Variants in COMMD10 observed in about 807,000 individuals in gnomAD.
COMMD10 encodes COMM domain containing 10.
Under a neutral mutation model 28.9 loss-of-function variants are expected in COMMD10, and 33 were observed. The observed-to-expected ratio is 1.14, with a 90% confidence interval of 0.87 to 1.53. COMMD10 has a LOEUF of 1.53. Among genes scored for constraint, COMMD10 ranks in the 40% most tolerant of loss-of-function variants. The pLI is 0.00. For synonymous variants in COMMD10, 110 were observed against 81.7 expected, an observed-to-expected ratio of 1.35 and a Z score of -1.87; for missense variants, 310 against 233.4, an observed-to-expected ratio of 1.33 and a Z score of -2.14.
At chr5:116,087,451 A>T in intron 1 of COMMD10, 46 bp from the exon 2 acceptor site, 3 of 1,189,186 alleles carry the variant, frequency 2.5e-6, no homozygotes, top group Non-Finnish European at 3.8e-6. Flanking sequence ...AGTGCAGTTC[A>T]ACTTGGAAAA....
At chr5:116,244,658 T>TACAAAAAAAAAAAAAAAAAAAAAA (rs1749894773) in intron 5 of COMMD10, among the ~76,000 whole-genome samples, 2 of 48,602 alleles carry the variant, frequency 4.1e-5, no homozygotes, top group East Asian at 8.5e-4. Context: ...AAAAAAAAAT[T>TACAAAAAAAAAAAAAAAAAAAAAA]ACAAAAAAAA....
rs562474945 is a variant in COMMD10, at chr5:116,127,534, C to T, written c.400-6534C>T. Among the ~76,000 whole-genome samples, 26 of 152,256 alleles carry T rather than the reference C, an allele frequency of 1.7e-4. 1 individual carries two copies. The South Asian group carries it at 3.7e-3, about 22-fold the overall frequency. ...AAGACTTGGAAGCAACCCAAATTTC[C>T]GTCAATGATAGACTGGATTAAGAAA... On this transcript the variant is annotated intron_variant, in intron 4 of 6. Transcript: ENST00000274458.
At chr5:116,268,072 T>C (rs1750643894) in intron 5 of COMMD10, among the ~76,000 whole-genome samples, 1 of 151,734 alleles carries the variant, frequency 6.6e-6, no homozygotes, top group African/African-American at 2.4e-5. Flanking sequence ...CCAAAAGCAA[T>C]GGTAACAAAA....
intron 5 of COMMD10, among the ~76,000 whole-genome samples, chr5:116,142,494 C>T (rs1028379040): frequency 6.6e-6 from 1 of 151,690 alleles, no homozygotes; most frequent in Non-Finnish European, 1.5e-5. Flanking sequence ...CAAAATAAAA[C>T]AAAACATCTT....
chr5:116,253,203 C>T (rs1580585530), intron 5 of COMMD10, among the ~76,000 whole-genome samples: 1 of 118,794 alleles, frequency 8.4e-6, no homozygotes, highest in African/African-American at 3.1e-5. Context: ...TGGGCTGAGA[C>T]AATGGGGTTT....
intron 2 of COMMD10, among the ~76,000 whole-genome samples, chr5:116,090,247 T>A (rs947973939): frequency 6.6e-6 from 1 of 152,104 alleles, no homozygotes; most frequent in Non-Finnish European, 1.5e-5. Context: ...TACAAATACA[T>A]GGAGATTTTG....
intron 5 of COMMD10, among the ~76,000 whole-genome samples, chr5:116,224,300 G>A (rs1022762691): frequency 2.6e-5 from 4 of 152,158 alleles, no homozygotes; most frequent in African/African-American, 9.7e-5. Flanking sequence ...GTAGATAGGA[G>A]CCATCTCTGT....
intron 5 of COMMD10, among the ~76,000 whole-genome samples, chr5:116,201,891 TTTA>T (rs1380900985): frequency 6.6e-6 from 1 of 152,032 alleles, no homozygotes; most frequent in East Asian, 1.9e-4. Flanking sequence ...TTTATTTTAT[TTTA>T]TTATTATTAT....
At chr5:116,284,346 G>A (rs78322699) in intron 5 of COMMD10, among the ~76,000 whole-genome samples, 13 of 144,530 alleles carry the variant, frequency 9.0e-5, no homozygotes, top group African/African-American at 3.8e-4. Context: ...GTATGTATGT[G>A]TGTGTGTGTG....
At chr5:116,130,418 A>C (rs748950318) in intron 4 of COMMD10, among the ~76,000 whole-genome samples, 7 of 151,910 alleles carry the variant, frequency 4.6e-5, no homozygotes, top group Non-Finnish European at 7.4e-5. Context: ...GGGACTGAGA[A>C]TACAGTTTGT....
chr5:116,266,627 G>A (rs1225614169), intron 5 of COMMD10, among the ~76,000 whole-genome samples: 4 of 151,560 alleles, frequency 2.6e-5, no homozygotes, highest in African/African-American at 7.3e-5. Flanking sequence ...GTTGCACTCA[G>A]AATAAAAATT....
At chr5:116,093,386 G>C (rs1041426205) in intron 4 of COMMD10, among the ~76,000 whole-genome samples, 2 of 152,210 alleles carry the variant, frequency 1.3e-5, no homozygotes, top group South Asian at 4.1e-4. Context: ...GAGGTGGACA[G>C]CCTTGCTGGG....
chr5:116,099,389 G>A (rs1750577911), intron 4 of COMMD10, among the ~76,000 whole-genome samples: 1 of 151,924 alleles, frequency 6.6e-6, no homozygotes, highest in South Asian at 2.1e-4. Flanking sequence ...TGGCCATTGT[G>A]AATAATACTG....
chr5:116,170,802 G>A (rs771452768), intron 5 of COMMD10, among the ~76,000 whole-genome samples: 1 of 152,046 alleles, frequency 6.6e-6, no homozygotes, highest in African/African-American at 2.4e-5. Context: ...ACTGAAACTG[G>A]ACCCCTTCCT....
chr5:116,198,269 T>C (rs1748581244), intron 5 of COMMD10, among the ~76,000 whole-genome samples: 1 of 152,216 alleles, frequency 6.6e-6, no homozygotes, highest in African/African-American at 2.4e-5. Context: ...CTTTGCCTAA[T>C]ACTATAAAGA....
intron 5 of COMMD10, among the ~76,000 whole-genome samples, chr5:116,154,401 A>G (rs1394724476): frequency 6.6e-6 from 1 of 152,130 alleles, no homozygotes; most frequent in Non-Finnish European, 1.5e-5. Flanking sequence ...TACTTGCATA[A>G]AAGTGTAAAC....
At chr5:116,197,921 T>G (rs532219688) in intron 5 of COMMD10, among the ~76,000 whole-genome samples, 3 of 152,298 alleles carry the variant, frequency 2.0e-5, no homozygotes, top group African/African-American at 7.2e-5. Context: ...CAGTTCAGTT[T>G]AGCCCAGAAC....
chr5:116,275,486 G>A (rs1669136), intron 5 of COMMD10, among the ~76,000 whole-genome samples: 72,033 of 151,390 alleles, frequency 0.48, 19,261 homozygotes, highest in African/African-American at 0.72. Context: ...GGCAAAGTAT[G>A]TCATTTTGTA....
chr5:116,286,555 G>A (rs771739164), intron 5 of COMMD10, among the ~76,000 whole-genome samples: 33 of 151,274 alleles, frequency 2.2e-4, no homozygotes, highest in Non-Finnish European at 2.8e-4. Context: ...TTGGCATGTT[G>A]TGTTTTCACT....
Sources: allele counts gnomAD v4.1 joint callset (sites outside exome capture counted in the v4.1 genomes callset), GRCh38; gene constraint gnomAD v4.1.1; transcripts MANE v1.5; gene names NCBI Gene and HGNC (gene_info 2026-07-23, HGNC 2026-07-21).